The following PDE11A variants were observed in gnomAD, a reference collection of about 807,000 sequenced individuals.
PDE11A encodes phosphodiesterase 11A.
In PDE11A, 100 loss-of-function variants were observed where a neutral mutation model predicts 100.5. The ratio of observed to expected loss-of-function variants is 1.00; its 90% CI spans 0.85 to 1.18. The LOEUF is 1.18. Among genes scored for constraint, PDE11A ranks in the 50% most tolerant of loss-of-function variants. The probability of loss-of-function intolerance (pLI) is 0.00; values close to 1 mark genes in which losing one functional copy is unlikely to be tolerated. For synonymous variants in PDE11A, 381 were observed against 420.8 expected, an observed-to-expected ratio of 0.91 and a Z score of 1.16; for missense variants, 1,141 against 1,152.6, an observed-to-expected ratio of 0.99 and a Z score of 0.15.
intron 2 of PDE11A, among the ~76,000 whole-genome samples, chr2:177,930,561 T>C (rs1231657713): frequency 6.6e-6 from 1 of 152,140 alleles, no homozygotes; most frequent in Non-Finnish European, 1.5e-5. Flanking sequence ...TACTGAATAG[T>C]ATAGAAAACT....
chr2:178,088,605 C>T (rs894440902), intron 2 of PDE11A, among the ~76,000 whole-genome samples: 2 of 152,188 alleles, frequency 1.3e-5, no homozygotes, highest in Non-Finnish European at 2.9e-5. Flanking sequence ...AATGAAACAA[C>T]ACTTTGTCCT....
chr2:177,705,906 A>C (rs560316558), intron 13 of PDE11A, among the ~76,000 whole-genome samples: 18 of 152,212 alleles, frequency 1.2e-4, no homozygotes, highest in Non-Finnish European at 2.4e-4. Flanking sequence ...CTCCTAGGAG[A>C]ATATACTACA....
chr2:178,079,348 G>T (rs1447862386), intron 2 of PDE11A, among the ~76,000 whole-genome samples: 3 of 151,840 alleles, frequency 2.0e-5, no homozygotes, highest in Non-Finnish European at 4.4e-5. Context: ...ATGTCCATGT[G>T]TTCTCATTGT....
chr2:177,776,596 G>A (rs918212039), intron 9 of PDE11A, among the ~76,000 whole-genome samples: 1 of 152,168 alleles, frequency 6.6e-6, no homozygotes, highest in African/African-American at 2.4e-5. Context: ...GAATATGACT[G>A]TATTTGGAGA....
chr2:177,745,979 A>G (rs1031226857), intron 10 of PDE11A, among the ~76,000 whole-genome samples: 1 of 152,178 alleles, frequency 6.6e-6, no homozygotes, highest in African/African-American at 2.4e-5. Context: ...TGGGGCCTCA[A>G]TGCCTTTCAA....
chr2:177,697,308 A>G (rs1265839878), intron 15 of PDE11A, 24 bp downstream of exon 15: 1 of 1,170,660 alleles, frequency 8.5e-7, no homozygotes, highest in South Asian at 1.2e-5. Context: ...CCATTTGTCA[A>G]ACAGATCAAA....
At chr2:177,691,331 A>G (rs2081037940) in intron 15 of PDE11A, among the ~76,000 whole-genome samples, 1 of 152,146 alleles carries the variant, frequency 6.6e-6, no homozygotes, top group African/African-American at 2.4e-5. Flanking sequence ...GCCCCACCAG[A>G]CTGGGTCCGA....
At chr2:177,945,785 C>T (rs1442256569) in intron 2 of PDE11A, among the ~76,000 whole-genome samples, 17 of 145,440 alleles carry the variant, frequency 1.2e-4, no homozygotes, top group African/African-American at 4.4e-4. Flanking sequence ...GGTGGGGGGT[C>T]AGCCCCCCCG....
At chr2:178,064,551 AC>A (rs1239259785) in intron 1 of PDE11A, among the ~76,000 whole-genome samples, 2 of 152,236 alleles carry the variant, frequency 1.3e-5, no homozygotes, top group East Asian at 3.9e-4. Context: ...ATTAAAAGAG[AC>A]AATGCTTGCT....
chr2:178,011,161 G>C (rs1334893287), intron 2 of PDE11A, among the ~76,000 whole-genome samples: 3 of 152,140 alleles, frequency 2.0e-5, no homozygotes, highest in Admixed American at 6.6e-5. Flanking sequence ...AGGGTAACTA[G>C]AAGCACGGCA....
At chr2:177,896,948 G>T (rs1008053694) in intron 4 of PDE11A, among the ~76,000 whole-genome samples, 3 of 151,952 alleles carry the variant, frequency 2.0e-5, no homozygotes, top group Non-Finnish European at 4.4e-5. Context: ...CCCAATCTCT[G>T]CTAAAATCTG....
At chr2:177,780,754 C>A (rs749622120) in intron 9 of PDE11A, among the ~76,000 whole-genome samples, 19 of 152,180 alleles carry the variant, frequency 1.2e-4, no homozygotes, top group Non-Finnish European at 2.4e-4. Context: ...TCAAACTTTT[C>A]TTCTGCAACT....
chr2:177,703,673 T>C (rs2081234920), intron 13 of PDE11A, among the ~76,000 whole-genome samples: 1 of 152,204 alleles, frequency 6.6e-6, no homozygotes, highest in African/African-American at 2.4e-5. Context: ...CCCTTATTCA[T>C]GTTGGGTTAA....
At chr2:177,868,528 CAT>C (rs2084069040) in intron 5 of PDE11A, among the ~76,000 whole-genome samples, 1 of 152,128 alleles carries the variant, frequency 6.6e-6, no homozygotes, top group African/African-American at 2.4e-5. Context: ...TAAATTCTAT[CAT>C]ATACCATTCT....
chr2:177,918,541 A>G (rs2084988059), intron 2 of PDE11A, among the ~76,000 whole-genome samples: 1 of 152,244 alleles, frequency 6.6e-6, no homozygotes, highest in Admixed American at 6.5e-5. Flanking sequence ...GAAATAGCTC[A>G]TGTAGGGAAA....
intron 7 of PDE11A, 63 bp from the exon 8 acceptor site, chr2:177,817,988 A>G (rs1574174260): frequency 1.2e-6 from 1 of 817,150 alleles, no homozygotes; most frequent in South Asian, 1.3e-5. Flanking sequence ...TCTCTAATAG[A>G]GTAGCCACAG....
At chr2:178,040,666 T>A (rs926000218) in intron 1 of PDE11A, among the ~76,000 whole-genome samples, 1 of 152,192 alleles carries the variant, frequency 6.6e-6, no homozygotes, top group African/African-American at 2.4e-5. Context: ...TTTCACTCCA[T>A]AGACTTATTG....
chr2:178,106,200 C>T (rs758043530), intron 1 of PDE11A, among the ~76,000 whole-genome samples: 10 of 152,310 alleles, frequency 6.6e-5, no homozygotes, highest in Non-Finnish European at 1.5e-4. Context: ...TTCTTAGTTA[C>T]TGCTCCAAGA....
chr2:177,956,390 C>A (rs1559022888), intron 2 of PDE11A, among the ~76,000 whole-genome samples: 2 of 152,200 alleles, frequency 1.3e-5, no homozygotes, highest in South Asian at 4.2e-4. Context: ...GAATGGCAAT[C>A]ATTAAAAAGT....
Sources: allele counts gnomAD v4.1 joint callset (sites outside exome capture counted in the v4.1 genomes callset), GRCh38; gene constraint gnomAD v4.1.1; transcripts MANE v1.5; gene names NCBI Gene and HGNC (gene_info 2026-07-23, HGNC 2026-07-21).